The following SYNDIG1 variants were observed in gnomAD, a reference collection of about 807,000 sequenced individuals.
SYNDIG1 encodes synapse differentiation-inducing gene protein 1.
Under a neutral mutation model 19.4 loss-of-function variants are expected in SYNDIG1, and 9 were observed. The observed-to-expected ratio is 0.46, with a 90% CI of 0.28 to 0.81. The LOEUF (loss-of-function observed/expected upper bound fraction) is 0.81, where lower values mean the gene tolerates loss of function less well. Among genes scored for constraint, SYNDIG1 ranks in the 30% least tolerant of loss-of-function variants. SYNDIG1 has a pLI of 0.12. For missense variants in SYNDIG1, 311 were observed against 343.3 expected (o/e 0.91, Z 0.74); for synonymous variants, 141 against 145.9 (o/e 0.97, Z 0.24).
intron 2 of SYNDIG1, among the ~76,000 whole-genome samples, chr20:24,559,472 A>G (rs954368964): frequency 2.0e-5 from 3 of 152,236 alleles, no homozygotes; most frequent in Non-Finnish European, 4.4e-5. Context: ...AAGATCTATA[A>G]GCCTTAAACA....
chr20:24,484,327 G>A (rs1404687105), intron 1 of SYNDIG1, among the ~76,000 whole-genome samples: 1 of 152,148 alleles, frequency 6.6e-6, no homozygotes, highest in East Asian at 1.9e-4. Flanking sequence ...TAACCTCAGG[G>A]GTGCTGCACG....
chr20:24,639,525 TGA>T (rs1358978251), intron 3 of SYNDIG1, among the ~76,000 whole-genome samples: 1 of 152,156 alleles, frequency 6.6e-6, no homozygotes, highest in Non-Finnish European at 1.5e-5. Context: ...CTCCCTAGTG[TGA>T]GTGATGGGGA....
At chr20:24,613,934 A>C (rs559595111) in intron 3 of SYNDIG1, among the ~76,000 whole-genome samples, 1 of 152,270 alleles carries the variant, frequency 6.6e-6, no homozygotes, top group Non-Finnish European at 1.5e-5. Flanking sequence ...GGCTGTTACC[A>C]GTGCTGGGTG....
At chr20:24,586,828 G>A (rs1345132058) in intron 3 of SYNDIG1, among the ~76,000 whole-genome samples, 2 of 152,216 alleles carry the variant, frequency 1.3e-5, no homozygotes, top group Non-Finnish European at 2.9e-5. Context: ...GGAGAGACCA[G>A]TCCTTTGTGG....
chr20:24,551,498 A>G (rs189366536), intron 2 of SYNDIG1, among the ~76,000 whole-genome samples: 6 of 150,728 alleles, frequency 4.0e-5, no homozygotes, highest in African/African-American at 1.5e-4. Flanking sequence ...TTTTACTCAG[A>G]TATTTATGAC....
chr20:24,573,439 C>T (rs568885476), intron 2 of SYNDIG1, among the ~76,000 whole-genome samples: 12 of 152,328 alleles, frequency 7.9e-5, no homozygotes, highest in African/African-American at 1.2e-4. Context: ...TAATGAGTCA[C>T]GGGCTGCCAG....
At position 24,475,943 on chromosome 20, in the gene SYNDIG1, C is replaced by T. The variant is rs1227562992; in HGVS notation, c.-79+6190C>T. Among the ~76,000 whole-genome samples, 4 of 151,886 alleles carry T rather than the reference C, an allele frequency of 2.6e-5. 1 individual carries two copies. Among genetic ancestry groups the T allele is most frequent in the Non-Finnish European group, 5.9e-5 (4 of 68,016 alleles). ...TGGCACAATCTCAGCTTACTGCAAC[C>T]TCCGCCTCCCGGGTTCAAGCGATTC... On this transcript the variant is annotated intron_variant, in intron 1 of 3. Coordinates refer to ENST00000376862, the MANE Select transcript of SYNDIG1 (RefSeq NM_024893.3).
At chr20:24,576,844 C>A (rs1304209467) in intron 2 of SYNDIG1, among the ~76,000 whole-genome samples, 1 of 152,168 alleles carries the variant, frequency 6.6e-6, no homozygotes, top group Non-Finnish European at 1.5e-5. Context: ...ATCCTCACTT[C>A]TGTTGAGAAA....
intron 3 of SYNDIG1, among the ~76,000 whole-genome samples, chr20:24,624,227 G>C (rs1453765151): frequency 7.2e-6 from 1 of 139,334 alleles, no homozygotes; most frequent in Admixed American, 7.8e-5. Flanking sequence ...CTGCAATCCA[G>C]CCCGGGTGAC....
At chr20:24,510,017 C>G (rs1338197321) in intron 1 of SYNDIG1, among the ~76,000 whole-genome samples, 2 of 152,172 alleles carry the variant, frequency 1.3e-5, no homozygotes, top group Admixed American at 6.5e-5. Context: ...CTTGTTCCTG[C>G]TTTGGCCAGG....
At chr20:24,660,059 G>T (rs566334769) in intron 3 of SYNDIG1, among the ~76,000 whole-genome samples, 4 of 152,126 alleles carry the variant, frequency 2.6e-5, no homozygotes, top group African/African-American at 9.7e-5. Flanking sequence ...GTCCGGCTTC[G>T]TTTGTTCATC....
intron 1 of SYNDIG1, among the ~76,000 whole-genome samples, chr20:24,478,494 C>T (rs953626183): frequency 9.2e-5 from 14 of 152,244 alleles, no homozygotes; most frequent in Non-Finnish European, 8.8e-5. Flanking sequence ...ATTTTCAGGG[C>T]TTGCTTGCTT....
intron 1 of SYNDIG1, among the ~76,000 whole-genome samples, chr20:24,514,189 A>G (rs1027977781): frequency 1.3e-5 from 2 of 152,214 alleles, no homozygotes; most frequent in Non-Finnish European, 2.9e-5. Flanking sequence ...TGTAAAGACC[A>G]TTGATGCTAG....
intron 2 of SYNDIG1, among the ~76,000 whole-genome samples, chr20:24,565,538 G>A (rs1414088901): frequency 6.6e-6 from 1 of 152,184 alleles, no homozygotes; most frequent in African/African-American, 2.4e-5. Flanking sequence ...TGATGTTTGG[G>A]TGTTTCTCAA....
At chr20:24,550,275 T>C (rs2057679470) in intron 2 of SYNDIG1, among the ~76,000 whole-genome samples, 1 of 152,228 alleles carries the variant, frequency 6.6e-6, no homozygotes, top group Admixed American at 6.5e-5. Context: ...ATATTGCGAA[T>C]AGCACTGCAA....
rs556195954 is a variant in SYNDIG1, at chr20:24,593,831, C to G, written c.618+8838C>G. ...ATATGGTTGTTGGCTGCATGTATGTCTTCTTTTGAAAAAAAATCCATCGTG... is the reference window on the plus strand; with the variant it reads ...ATATGGTTGTTGGCTGCATGTATGTGTTCTTTTGAAAAAAAATCCATCGTG... On this transcript the variant is annotated intron_variant, in intron 3 of 3. Transcript: ENST00000376862. 4.0e-5 allele frequency among the ~76,000 whole-genome samples: 6 copies of G among 151,798 alleles called. No individual in the cohort carries two copies. In the South Asian group the frequency reaches 1.3e-3, roughly 32 times the overall value.
chr20:24,531,257 C>T (rs2057253053), intron 1 of SYNDIG1, among the ~76,000 whole-genome samples: 1 of 152,058 alleles, frequency 6.6e-6, no homozygotes, highest in South Asian at 2.1e-4. Context: ...TCTAATTAGC[C>T]ACACAGGGAT....
chr20:24,531,930 G>T (rs920787103), intron 1 of SYNDIG1, among the ~76,000 whole-genome samples: 3 of 152,192 alleles, frequency 2.0e-5, no homozygotes, highest in Non-Finnish European at 4.4e-5. Context: ...AGCAGGCCCA[G>T]CCTGCAGCAT....
chr20:24,516,227 G>C (rs1379639887), intron 1 of SYNDIG1, among the ~76,000 whole-genome samples: 2 of 152,100 alleles, frequency 1.3e-5, no homozygotes, highest in Non-Finnish European at 2.9e-5. Flanking sequence ...ACCATAAAAA[G>C]CCTAGAAGAA....
Sources: allele counts gnomAD v4.1 joint callset (sites outside exome capture counted in the v4.1 genomes callset), GRCh38; gene constraint gnomAD v4.1.1; transcripts MANE v1.5; gene names NCBI Gene and HGNC (gene_info 2026-07-23, HGNC 2026-07-21).